The following CHD8 variants were observed in gnomAD, a reference collection of about 807,000 sequenced individuals.
CHD8 encodes the protein chromodomain helicase DNA binding protein 8.
CHD8 carries 31 observed loss-of-function variants against 279.2 expected under a neutral mutation model. The ratio of observed to expected loss-of-function variants is 0.11; its 90% CI spans 0.08 to 0.15. The LOEUF (loss-of-function observed/expected upper bound fraction) is 0.15, where lower values mean the gene tolerates loss of function less well. Among genes scored for constraint, CHD8 ranks in the 10% least tolerant of loss-of-function variants. The probability of loss-of-function intolerance (pLI) is 1.00; values close to 1 mark genes in which losing one functional copy is unlikely to be tolerated. For missense variants in CHD8, 2,146 were observed against 3,230.5 expected, an observed-to-expected ratio of 0.66 and a Z score of 8.14; for synonymous variants, 1,081 against 1,139.6, an observed-to-expected ratio of 0.95 and a Z score of 1.04.
In CHD8 at chr14:21,415,568, C is replaced by T. The variant is rs771691083; in HGVS notation, c.1968+6G>A. The T allele has an allele frequency of 4.0e-5, 55 of 1,385,280 alleles. No homozygotes were observed. Among genetic ancestry groups the T allele is most frequent in the Non-Finnish European group, 5.3e-5 (55 of 1,046,196 alleles). 85.8% of individuals were successfully genotyped at this position (1,385,280 alleles called of 1,614,324 possible). ...AAAAATAATAATAATAATAAAAAGC[C>T]CTCACCTCCTTCTTCACAATCCGCA... On this transcript the variant is annotated splice_donor_region_variant and intron_variant, in intron 7 of 37. Transcript: ENST00000646647.
chr14:21,400,499 C>T lies in CHD8; in HGVS notation c.4484G>A (p.Arg1495His), dbSNP rs376523446. The change falls in exon 23 of 38, where the codon CGT (arginine) becomes CAT (histidine). Residue 1495 changes from arginine to histidine, a missense_variant. Arg to His is a conservative substitution (Grantham distance 29, BLOSUM62 0). Transcript: ENST00000646647. This position sits in a 1 kb window ranked among gnomAD's most constrained non-coding sequence, Gnocchi z 4.2. ...GAAGCCTTTAATATTTTCATCCCCA[C>T]GGTAGTGTAGAAGACAGTACACGAG... is the stretch of plus-strand genomic sequence containing the variant. Reference protein sequence around the residue: ...AILVYCLLHYRGDENIKGFIW... With the variant: ...AILVYCLLHYHGDENIKGFIW... The T allele has an allele frequency of 4.2e-5, 68 of 1,613,000 alleles. No individual in the cohort carries two copies. The highest frequency in any genetic ancestry group is 9.4e-5 in the African/African-American group (7 of 74,866).
chr14:21,454,162 A>AAAAAAGAAAAGAAAAGAAAAG, intron 1 of CHD8, among the ~76,000 whole-genome samples: 1 of 127,076 alleles, frequency 7.9e-6, no homozygotes, highest in South Asian at 2.7e-4. Flanking sequence ...CGTCTCAAAA[A>AAAAAAGAAAAGAAAAGAAAAG]AAAAGAAAAG....
At chr14:21,412,606 C>T (rs1186785270) in intron 10 of CHD8, among the ~76,000 whole-genome samples, 1 of 152,066 alleles carries the variant, frequency 6.6e-6, no homozygotes, top group Non-Finnish European at 1.5e-5. Context: ...CTTTCCCCTT[C>T]CCAACACCCC....
chr14:21,404,066 T>C (rs1161036749), intron 16 of CHD8, among the ~76,000 whole-genome samples: 3 of 148,460 alleles, frequency 2.0e-5, no homozygotes, highest in Non-Finnish European at 3.0e-5. Context: ...GCCACTGCAC[T>C]CCAGCCTGGG....
At chr14:21,437,544 T>A (rs6571826) in intron 1 of CHD8, among the ~76,000 whole-genome samples, 139,203 of 152,070 alleles carry the variant, frequency 0.92, 63,826 homozygotes, top group African/African-American at 0.94. Flanking sequence ...TACCATCTAC[T>A]CTGAATTCTT....
At chr14:21,409,711 G>A in intron 11 of CHD8, 140 bp downstream of exon 11, 2 of 673,810 alleles carry the variant, frequency 3.0e-6, no homozygotes, top group Non-Finnish European at 4.9e-6. Context: ...CGTGGGTGAT[G>A]GGTACATTAT....
Position 21,405,141 on chromosome 14 carries a change from A to C in CHD8, c.3307+68T>G. 6.6e-7 allele frequency: 1 copy of C among 1,522,538 alleles called. No homozygotes were observed. The highest frequency in any genetic ancestry group is 9.0e-7 in the Non-Finnish European group (1 of 1,109,596). The allele number at this position is 1,522,538 out of a possible 1,614,324, so 94.3% of individuals were successfully genotyped here. On this transcript the variant is annotated intron_variant, in intron 16 of 37. Coordinates refer to ENST00000646647, the MANE Select transcript of CHD8 (RefSeq NM_001170629.2). The surrounding 1 kb of genome is among the most constrained non-coding windows in gnomAD (Gnocchi z 4.2). ...TGAGTCAATGCATCCATTGTCCCCAAGGAGAATCATCCGGAAAGTAAACAC... is the reference window on the plus strand; with the variant it reads ...TGAGTCAATGCATCCATTGTCCCCACGGAGAATCATCCGGAAAGTAAACAC...
intron 4 of CHD8, chr14:21,426,852 T>G (rs1889341329): frequency 6.6e-6 from 1 of 152,332 alleles, no homozygotes; most frequent in African/African-American, 2.4e-5. Flanking sequence ...TGCTTAAAGC[T>G]AATGGTAGAT....
intron 7 of CHD8, 34 bp downstream of exon 7, chr14:21,415,540 A>C (rs911017933): frequency 1.9e-6 from 2 of 1,074,244 alleles, no homozygotes; most frequent in Non-Finnish European, 2.4e-6. Flanking sequence ...TAAATAAATA[A>C]ATAAAAATAA....
In CHD8 at chr14:21,408,851, T is replaced by G; in HGVS notation, c.2365-26A>C. On this transcript the variant is annotated intron_variant, in intron 11 of 37. Transcript: ENST00000646647. This position sits in a 1 kb window ranked among gnomAD's most constrained non-coding sequence, Gnocchi z 4.3. ...CTAAAAAACAAGACGTTTGAATAAA[T>G]GGAGTGGAGACATTATCAAAAGGTA... The G allele has an allele frequency of 1.3e-6, 2 of 1,593,356 alleles. No individual in the cohort carries two copies. The highest frequency in any genetic ancestry group is 1.7e-6 in the Non-Finnish European group (2 of 1,169,292).
intron 20 of CHD8, 146 bp downstream of exon 20, chr14:21,401,811 C>T: frequency 1.1e-5 from 8 of 729,304 alleles, no homozygotes; most frequent in Non-Finnish European, 1.6e-5. Context: ...GTCTCGAACT[C>T]CTGACCTCAA....
chr14:21,432,958 G>T (rs1352940402), intron 1 of CHD8, among the ~76,000 whole-genome samples: 1 of 152,208 alleles, frequency 6.6e-6, no homozygotes, highest in Admixed American at 6.5e-5. Context: ...CTGGAAAACT[G>T]CCATACTAAA....
chr14:21,395,070 G>T lies in CHD8; in HGVS notation c.5232C>A (p.Ala1744=), dbSNP rs1268082182. 1.2e-6 allele frequency: 2 copies of T among 1,613,990 alleles called. No individual in the cohort carries two copies. Among genetic ancestry groups the T allele is most frequent in the East Asian group, 2.2e-5 (1 of 44,882 alleles). ...CTAGACGCCGAAGCCTAGCTGTTAG[G>T]GCAGAGCCCGGAGGCCAGAATAAAT... ...PGHLFWPPGS[A]LTARLRRLVT... Residue 1744 remains alanine (A), a synonymous_variant, in exon 30 of 38, where the codon GCC becomes GCA. Coordinates refer to ENST00000646647, the MANE Select transcript of CHD8 (RefSeq NM_001170629.2).
chr14:21,422,676 C>T (rs922430479), intron 5 of CHD8, among the ~76,000 whole-genome samples: 2 of 152,110 alleles, frequency 1.3e-5, no homozygotes, highest in African/African-American at 4.8e-5. Context: ...GCCTGTAATC[C>T]CAGAACTTTG....
rs767900561 is a variant in CHD8, at chr14:21,413,003, G to A, written c.2143-7C>T. On this transcript the variant is annotated splice_region_variant and splice_polypyrimidine_tract_variant and intron_variant, in intron 9 of 37. Transcript: ENST00000646647. ...GATTAAAGGGCTCTTCATCCTAGAT[G>A]AGTTAGGAAACCAAACAATAAGACC... 6.4e-7 allele frequency: 1 copy of A among 1,571,708 alleles called. No homozygotes were observed. The highest frequency in any genetic ancestry group is 2.2e-5 in the East Asian group (1 of 44,624).
intron 1 of CHD8, among the ~76,000 whole-genome samples, chr14:21,445,520 A>C (rs558621657): frequency 6.6e-6 from 1 of 151,856 alleles, no homozygotes; most frequent in Admixed American, 6.6e-5. Flanking sequence ...CCCCATCTCT[A>C]CTAAAAATAA....
chr14:21,394,952 AG>A lies in CHD8; in HGVS notation c.5349del (p.Phe1784SerfsTer3). ...CGCCGTGCAATTTCTTTCAGCTTGA[AG>A]GCTGCTTCACAACGCCGCCTTCGCC... ...GDRRRRRCEA[A>X]FKLKEIARRE... On this transcript the variant is annotated frameshift_variant, in exon 30 of 38. Transcript: ENST00000646647. LOFTEE classifies it high-confidence loss of function. 1 of 1,614,006 alleles carries A rather than the reference AG, an allele frequency of 6.2e-7. No individual in the cohort carries two copies.
intron 26 of CHD8, chr14:21,398,157 G>A (rs1887869210): frequency 2.8e-6 from 1 of 363,086 alleles, no homozygotes; most frequent in African/African-American, 2.1e-5. Context: ...TTTTTAACTA[G>A]TGACTGATAG....
chr14:21,392,846 C>CT (rs1566411858), intron 33 of CHD8, 37 bp from the exon 34 acceptor site: 1 of 1,592,944 alleles, frequency 6.3e-7, no homozygotes, highest in Non-Finnish European at 8.6e-7. Context: ...TTTTAAGAGT[C>CT]TGAGTACTAG....
Sources: allele counts gnomAD v4.1 joint callset (sites outside exome capture counted in the v4.1 genomes callset), GRCh38; gene constraint gnomAD v4.1.1; non-coding constraint Gnocchi (gnomAD v3.1); transcripts MANE v1.5; gene names NCBI Gene and HGNC (gene_info 2026-07-23, HGNC 2026-07-21).